ANAPC2: variants seen among roughly 807,000 people sequenced by gnomAD.
The protein encoded by ANAPC2 is anaphase promoting complex subunit 2.
ANAPC2 carries 29 observed loss-of-function variants against 84.3 expected under a neutral mutation model. The observed-to-expected ratio is 0.34, with a 90% CI of 0.26 to 0.47. The LOEUF (loss-of-function observed/expected upper bound fraction) is 0.47, where lower values mean the gene tolerates loss of function less well. ANAPC2 is among the 20% of genes least tolerant of loss of function. The pLI is 1.00. For missense variants in ANAPC2, 857 were observed against 1,131.7 expected (o/e 0.76, Z 3.48); for synonymous variants, 571 against 479.4 (o/e 1.19, Z -2.50).
chr9:137,183,571 C>A, intron 5 of ANAPC2, 101 bp downstream of exon 5: 2 of 1,488,834 alleles, frequency 1.3e-6, no homozygotes, highest in Non-Finnish European at 1.8e-6. Flanking sequence ...CTTAGACCTA[C>A]AAGTCCAGGG....
chr9:137,181,367 CAG>C (rs1246260575), intron 7 of ANAPC2, among the ~76,000 whole-genome samples: 1 of 152,222 alleles, frequency 6.6e-6, no homozygotes, highest in Non-Finnish European at 1.5e-5. Flanking sequence ...GTACAGAGCT[CAG>C]GGGTCACCCA....
intron 10 of ANAPC2, 29 bp downstream of exon 10, chr9:137,180,152 G>A (rs1834311336): frequency 6.2e-7 from 1 of 1,606,228 alleles, no homozygotes; most frequent in African/African-American, 1.3e-5. Flanking sequence ...GGTGCCAAGA[G>A]CCCATGGGGT....
In ANAPC2 at chr9:137,183,162, G is replaced by C; in HGVS notation, c.1249C>G (p.Leu417Val). Residue 417 changes from leucine (L) to valine (V), a missense_variant, in exon 6 of 13, where the codon CTG becomes GTG. Coordinates refer to ENST00000323927, the MANE Select transcript of ANAPC2 (RefSeq NM_013366.4). ...CGGATAGGCTCACAGGCCACCTCCA[G>C]GATGACCATGGAAGGGTCCAGCACG... The part of the protein sequence containing the change: ...LRVLDPSMVI[L>V]EVACEPIRRY... 6.2e-7 allele frequency: 1 copy of C among 1,613,172 alleles called. No individual in the cohort carries two copies. The highest frequency in any genetic ancestry group is 2.2e-5 in the East Asian group (1 of 44,886).
In ANAPC2 at chr9:137,187,479, A is replaced by C; in HGVS notation, c.740+2T>G. 2 of 1,604,088 alleles carry C rather than the reference A, an allele frequency of 1.2e-6. No individual in the cohort carries two copies. Among genetic ancestry groups the C allele is most frequent in the Non-Finnish European group, 1.7e-6 (2 of 1,172,536 alleles). On this transcript the variant is annotated splice_donor_variant, in intron 2 of 12. Transcript: ENST00000323927. LOFTEE classifies it high-confidence loss of function. ...GCATGGCCATCGGGACAGACTACTC[A>C]CAAGACCTGGCTGAGCTGATGGAAC...
Position 137,183,017 on chromosome 9 carries a change from C to G in ANAPC2, c.1286+108G>C, listed in dbSNP as rs1834377245. 4.6e-6 allele frequency: 4 copies of G among 879,086 alleles called. No homozygotes were observed. The East Asian group carries it at 9.8e-5, about 22-fold the overall frequency. The allele number at this position is 879,086 out of a possible 1,614,324, so 54.5% of individuals were successfully genotyped here. ...TGCACTCAGCCCAGCCGGGGGAGACCTTGTGTCCTGACGGCCGAACACACC... is the reference window on the plus strand; with the variant it reads ...TGCACTCAGCCCAGCCGGGGGAGACGTTGTGTCCTGACGGCCGAACACACC... On this transcript the variant is annotated intron_variant, in intron 6 of 12. Transcript: ENST00000323927.
intron 4 of ANAPC2, 42 bp from the exon 5 acceptor site, chr9:137,183,833 G>A (rs749714113): frequency 1.8e-5 from 29 of 1,605,148 alleles, no homozygotes; most frequent in African/African-American, 5.3e-5. Flanking sequence ...ACATGGATGC[G>A]TGCGCACGTG....
chr9:137,183,321 T>C, intron 5 of ANAPC2, 79 bp from the exon 6 acceptor site: 2 of 1,228,732 alleles, frequency 1.6e-6, no homozygotes, highest in Non-Finnish European at 2.4e-6. Context: ...AGTAGACAGC[T>C]GGCCATGCCG....
At chr9:137,187,200 G>A (rs942872378) in intron 2 of ANAPC2, 26 of 471,748 alleles carry the variant, frequency 5.5e-5, no homozygotes, top group African/African-American at 4.4e-4. Context: ...ATTCTGCAGA[G>A]TCCAGGAAGT....
chr9:137,184,291 G>A (rs1834408103), intron 4 of ANAPC2, among the ~76,000 whole-genome samples: 1 of 150,478 alleles, frequency 6.6e-6, no homozygotes, highest in African/African-American at 2.5e-5. Context: ...AGGGAGCCCA[G>A]ACGCAGACAC....
chr9:137,188,151 G>A, intron 1 of ANAPC2, 48 bp from the exon 2 acceptor site: 5 of 1,572,352 alleles, frequency 3.2e-6, no homozygotes, highest in Middle Eastern at 1.8e-4. Context: ...CATAGAGGTG[G>A]GGAGAGGCGG....
chr9:137,188,221 C>CCAACGTCCGGGCAGCA, intron 1 of ANAPC2, 118 bp from the exon 2 acceptor site: 1 of 1,406,470 alleles, frequency 7.1e-7, no homozygotes, highest in Non-Finnish European at 9.5e-7. Context: ...TCCGTGCTGC[C>CCAACGTCCGGGCAGCA]CGGACGTTGG....
intron 3 of ANAPC2, among the ~76,000 whole-genome samples, chr9:137,185,782 G>A (rs1218313824): frequency 6.6e-6 from 1 of 152,168 alleles, no homozygotes; most frequent in African/African-American, 2.4e-5. Context: ...AACAGCACAG[G>A]TGCCTGGAGG....
Position 137,176,124 on chromosome 9 carries a change from G to GCAGATGT in ANAPC2, c.1891-294_1891-288dup, listed in dbSNP as rs1178887718. Reference sequence around the variant, plus strand: ...GGCCATATTTGCAAACAGGGTTGATGCAGATGTAACTGAGGTGCATCCTAA... The same window carrying GCAGATGT: ...GGCCATATTTGCAAACAGGGTTGATGCAGATGTCAGATGTAACTGAGGTGCATCCTAA... On this transcript the variant is annotated intron_variant, in intron 10 of 12. Coordinates refer to ENST00000323927, the MANE Select transcript of ANAPC2 (RefSeq NM_013366.4). 7 of 350,758 alleles carry GCAGATGT rather than the reference G, an allele frequency of 2.0e-5. No homozygotes were observed. The Admixed American group carries it at 3.1e-4, about 16-fold the overall frequency. 21.7% of individuals were successfully genotyped at this position (350,758 alleles called of 1,614,324 possible).
Position 137,181,709 on chromosome 9 carries a change from C to A in ANAPC2, c.1440G>T (p.Trp480Cys). 6.2e-7 allele frequency: 1 copy of A among 1,611,166 alleles called. No homozygotes were observed. Among genetic ancestry groups the A allele is most frequent in the East Asian group, 2.2e-5 (1 of 44,824 alleles). The change falls in exon 7 of 13, where the codon TGG becomes TGT. Residue 480 changes from tryptophan to cysteine, a missense_variant. By Grantham distance (215) the Trp-to-Cys change is radical. Around this residue, in one of 3 missense-constraint regions of ANAPC2, gnomAD observed 425 missense variants for 595.5 expected, o/e 0.71. Coordinates refer to ENST00000323927, the MANE Select transcript of ANAPC2 (RefSeq NM_013366.4). The part of the protein sequence containing the change: ...SEDDSGEPED[W>C]VPDPVDADPG... ...GATCGGCATCCACAGGGTCCGGGACCCAGTCCTCTGGCTCGCCTGAGTCAT... is the reference window on the plus strand; with the variant it reads ...GATCGGCATCCACAGGGTCCGGGACACAGTCCTCTGGCTCGCCTGAGTCAT...
chr9:137,184,849 C>CG, intron 4 of ANAPC2, 64 bp downstream of exon 4: 1 of 1,576,072 alleles, frequency 6.3e-7, no homozygotes. Context: ...AGAGGAGACA[C>CG]GGGGAAGGCC....
chr9:137,183,735 C>G lies in ANAPC2; in HGVS notation c.1105G>C (p.Asp369His). ...EDLKYCLERT[D>H]QRQQLLVSLK... ...GACACGAGCAGCTGCTGCCTCTGGT[C>G]CGTCCTCTCCAGGCAGTACTTGAGG... The change falls in exon 5 of 13, where the codon GAC becomes CAC. Residue 369 changes from aspartate to histidine, a missense_variant. Physicochemically the swap from Asp to His is moderately conservative, Grantham distance 81 (BLOSUM62 -1). Transcript: ENST00000323927. 6.2e-7 allele frequency: 1 copy of G among 1,613,230 alleles called. No homozygotes were observed. The highest frequency in any genetic ancestry group is 8.5e-7 in the Non-Finnish European group (1 of 1,179,934).
Position 137,181,815 on chromosome 9 carries a change from T to G in ANAPC2, c.1334A>C (p.Asp445Ala), listed in dbSNP as rs923035219. 1 of 1,607,366 alleles carries G rather than the reference T, an allele frequency of 6.2e-7. No homozygotes were observed. The highest frequency in any genetic ancestry group is 8.5e-7 in the Non-Finnish European group (1 of 1,179,756). The change falls in exon 7 of 13, where the codon GAC (aspartate) becomes GCC (alanine). Residue 445 changes from aspartate to alanine, a missense_variant. This residue lies in a region of ANAPC2 where 425 missense variants were observed against 595.5 expected (regional missense o/e 0.71). Transcript: ENST00000323927. ...AGCCAGGTCCCCTGTCCCGTCCGAG[T>G]CCCCCGTCAGCCCAGCCACAATCTG... ...VRQIVAGLTG[D>A]SDGTGDLAVE...
rs142065515 is a variant in ANAPC2, at chr9:137,188,519, A to C, written c.14T>G (p.Val5Gly). 3 of 1,608,524 alleles carry C rather than the reference A, an allele frequency of 1.9e-6. No homozygotes were observed. The South Asian group carries it at 3.3e-5, about 18-fold the overall frequency. The part of the protein sequence containing the change: MAAA[V>G]VVAEGDSDSR... ...GTCGCTGTCCCCCTCCGCCACCACA[A>C]CTGCCGCCGCCATCTGCACCCACCG... The change falls in exon 1 of 13, where the codon GTT becomes GGT. Residue 5 changes from valine (V) to glycine (G), a missense_variant. Val to Gly is a moderately radical substitution (Grantham distance 109). Transcript: ENST00000323927.
intron 6 of ANAPC2, among the ~76,000 whole-genome samples, chr9:137,182,649 G>A (rs1245422720): frequency 3.3e-5 from 5 of 152,266 alleles, no homozygotes; most frequent in South Asian, 4.1e-4. Flanking sequence ...TGCCAGCCCC[G>A]GGCCAGGGCC....
Sources: allele counts gnomAD v4.1 joint callset (sites outside exome capture counted in the v4.1 genomes callset), GRCh38; gene constraint gnomAD v4.1.1; regional missense constraint gnomAD v4.1.1; transcripts MANE v1.5; gene names NCBI Gene and HGNC (gene_info 2026-07-23, HGNC 2026-07-21).